Variants in DNAH6 observed in about 807,000 individuals in gnomAD.
DNAH6 encodes the protein axonemal beta dynein heavy chain 6.
In DNAH6, 340 loss-of-function variants were observed where a neutral mutation model predicts 491.4. The observed-to-expected ratio is 0.69, with a 90% CI of 0.63 to 0.76. The LOEUF (loss-of-function observed/expected upper bound fraction) is 0.76, where lower values mean the gene tolerates loss of function less well. Among genes scored for constraint, DNAH6 ranks in the 30% least tolerant of loss-of-function variants. The probability of loss-of-function intolerance (pLI) is 0.00; values close to 1 mark genes in which losing one functional copy is unlikely to be tolerated. For missense variants in DNAH6, 4,443 were observed against 4,972.2 expected, an observed-to-expected ratio of 0.89 and a Z score of 3.20; for synonymous variants, 1,603 against 1,686.1, an observed-to-expected ratio of 0.95 and a Z score of 1.21.
At position 84,736,451 on chromosome 2, in the gene DNAH6, T is replaced by C. The variant is rs115980078; in HGVS notation, c.10342+2872T>C. Among the ~76,000 whole-genome samples the C allele has an allele frequency of 1.8e-3, 267 of 152,288 alleles. 2 individuals carry two copies. Among genetic ancestry groups the C allele is most frequent in the African/African-American group, 6.1e-3 (252 of 41,580 alleles). ...GCTTCGGATAGCATAGTCATTTTAA[T>C]GATATTGATTCTTCCAACCCATAAG... is the stretch of plus-strand genomic sequence containing the variant. On this transcript the variant is annotated intron_variant, in intron 62 of 76. Coordinates refer to ENST00000389394, the MANE Select transcript of DNAH6 (RefSeq NM_001370.2).
chr2:84,733,664 T>G (rs914737452), intron 62 of DNAH6, 85 bp downstream of exon 62: 2 of 1,262,160 alleles, frequency 1.6e-6, no homozygotes, highest in Non-Finnish European at 1.1e-6. Context: ...ACCTCTTCTG[T>G]AATGTCAGCA....
chr2:84,630,707 T>C (rs1573290146), intron 29 of DNAH6, among the ~76,000 whole-genome samples: 1 of 152,214 alleles, frequency 6.6e-6, no homozygotes, highest in African/African-American at 2.4e-5. Flanking sequence ...ATCAGTACCA[T>C]TGAGGACAAT....
intron 64 of DNAH6, among the ~76,000 whole-genome samples, chr2:84,776,932 A>C (rs1338559022): frequency 2.0e-5 from 3 of 152,234 alleles, no homozygotes; most frequent in Non-Finnish European, 2.9e-5. Flanking sequence ...GGATGAGTTC[A>C]TGTCCTTTGT....
chr2:84,587,632 T>C (rs1227993298), intron 15 of DNAH6, among the ~76,000 whole-genome samples: 1 of 152,248 alleles, frequency 6.6e-6, no homozygotes, highest in Non-Finnish European at 1.5e-5. Flanking sequence ...AATGTGACCA[T>C]TAATGATAAT....
At chr2:84,763,881 C>G (rs759204969) in intron 64 of DNAH6, among the ~76,000 whole-genome samples, 1 of 151,914 alleles carries the variant, frequency 6.6e-6, no homozygotes, top group Non-Finnish European at 1.5e-5. Flanking sequence ...AAGTACCAGT[C>G]CAAAACTCAG....
chr2:84,636,833 G>T (rs1038292618), intron 30 of DNAH6, among the ~76,000 whole-genome samples: 1 of 152,030 alleles, frequency 6.6e-6, no homozygotes, highest in Non-Finnish European at 1.5e-5. Flanking sequence ...TGTCAAGGCT[G>T]CAGTGAGCTC....
At chr2:84,517,116 C>G (rs1322634202) in intron 1 of DNAH6, among the ~76,000 whole-genome samples, 1 of 152,156 alleles carries the variant, frequency 6.6e-6, no homozygotes, top group Non-Finnish European at 1.5e-5. Flanking sequence ...TCTGCCGACA[C>G]CTGATTCAAG....
chr2:84,749,078 A>G (rs1673221604), intron 63 of DNAH6, among the ~76,000 whole-genome samples: 1 of 152,200 alleles, frequency 6.6e-6, no homozygotes, highest in Non-Finnish European at 1.5e-5. Context: ...CAAGCCATTC[A>G]TGAGGGATCC....
intron 75 of DNAH6, among the ~76,000 whole-genome samples, chr2:84,814,429 G>A (rs78485927): frequency 2.9e-4 from 44 of 152,288 alleles, no homozygotes; most frequent in Non-Finnish European, 5.6e-4. Context: ...GTTTAAAAAC[G>A]AGAGAAGCCT....
chr2:84,600,576 G>T (rs1286355318), intron 18 of DNAH6, among the ~76,000 whole-genome samples: 2 of 152,072 alleles, frequency 1.3e-5, no homozygotes, highest in East Asian at 3.8e-4. Flanking sequence ...TACTGGTCAA[G>T]TAATTTGTAT....
In DNAH6 at chr2:84,537,271, A is replaced by G. The variant is rs142043289; in HGVS notation, c.663-6962A>G. ...GAGGAACTAAGAAATAATTATAAAT[A>G]CCTTATGGGGAGTCATAGCTTTTGA... is the stretch of plus-strand genomic sequence containing the variant. On this transcript the variant is annotated intron_variant, in intron 4 of 76. Coordinates refer to ENST00000389394, the MANE Select transcript of DNAH6 (RefSeq NM_001370.2). Among the ~76,000 whole-genome samples the G allele has an allele frequency of 2.4e-4, 37 of 152,156 alleles. No individual in the cohort carries two copies. The East Asian group carries it at 6.8e-3, about 28-fold the overall frequency.
At chr2:84,523,815 A>T (rs1676359647) in intron 2 of DNAH6, among the ~76,000 whole-genome samples, 1 of 151,998 alleles carries the variant, frequency 6.6e-6, no homozygotes, top group African/African-American at 2.4e-5. Flanking sequence ...GTGGTCTAAG[A>T]GTGTGTTTGG....
At chr2:84,750,190 G>GTT (rs199818701) in intron 63 of DNAH6, among the ~76,000 whole-genome samples, 49 of 131,498 alleles carry the variant, frequency 3.7e-4, no homozygotes, top group South Asian at 4.8e-4. Context: ...GTTTGGTTTG[G>GTT]TTTTTTTTTT....
chr2:84,605,370 A>G (rs1685662987), intron 19 of DNAH6, 130 bp from the exon 20 acceptor site: 2 of 557,778 alleles, frequency 3.6e-6, no homozygotes, highest in Non-Finnish European at 5.9e-6. Context: ...AAAAAAAAAA[A>G]GAATTTTAGA....
At chr2:84,636,316 G>T (rs1457567994) in intron 30 of DNAH6, among the ~76,000 whole-genome samples, 3 of 152,174 alleles carry the variant, frequency 2.0e-5, no homozygotes, top group Non-Finnish European at 4.4e-5. Context: ...TCTTGCTCCT[G>T]CTCCCTTTTC....
intron 49 of DNAH6, among the ~76,000 whole-genome samples, chr2:84,702,772 G>A (rs979607286): frequency 1.3e-5 from 2 of 152,080 alleles, no homozygotes; most frequent in South Asian, 2.1e-4. Flanking sequence ...ATCTGACCTC[G>A]TGATCCGCCC....
chr2:84,496,091 G>A, the DNAH6 span, among the ~76,000 whole-genome samples: 3 of 152,046 alleles, frequency 2.0e-5, no homozygotes, highest in African/African-American at 7.2e-5. Flanking sequence ...AATAAATAAG[G>A]CCCCAAATCT....
At chr2:84,690,935 A>C (rs1484582153) in intron 45 of DNAH6, among the ~76,000 whole-genome samples, 1 of 152,206 alleles carries the variant, frequency 6.6e-6, no homozygotes, top group Non-Finnish European at 1.5e-5. Flanking sequence ...AAGTCTTTTA[A>C]CTCGGGGGGA....
Position 84,552,995 on chromosome 2 carries a change from C to A in DNAH6, c.1563C>A (p.Val521=). ...PMFLTELMLT[V]QSLLFEPSLE... ...TTCTCACAGAACTAATGTTGACAGT[C>A]CAGTCACTGCTCTTTGAGCCTTCTC... The change falls in exon 10 of 77, where the codon GTC becomes GTA. Residue 521 remains valine (V), a synonymous_variant. Transcript: ENST00000389394. 6.2e-7 allele frequency: 1 copy of A among 1,610,188 alleles called. No individual in the cohort carries two copies. Among genetic ancestry groups the A allele is most frequent in the Non-Finnish European group, 8.5e-7 (1 of 1,178,106 alleles).
Sources: gnomAD v4.1 joint callset for allele counts (sites outside exome capture counted in the v4.1 genomes callset) on GRCh38, gnomAD v4.1.1 for gene constraint, MANE v1.5 for transcripts, NCBI Gene and HGNC (gene_info 2026-07-23, HGNC 2026-07-21) for gene names.